Variants in WDPCP observed in about 807,000 individuals in gnomAD.
WDPCP encodes the protein WD repeat-containing and planar cell polarity effector protein fritz homolog.
WDPCP carries 71 observed loss-of-function variants against 93.1 expected under a neutral mutation model. The observed-to-expected ratio is 0.76, with a 90% CI of 0.63 to 0.93. The LOEUF (loss-of-function observed/expected upper bound fraction) is 0.93, where lower values mean the gene tolerates loss of function less well. Ranked by LOEUF, WDPCP falls within the 40% of genes least tolerant of loss-of-function variation. The probability of loss-of-function intolerance (pLI) is 0.00; values close to 1 mark genes in which losing one functional copy is unlikely to be tolerated. For synonymous variants in WDPCP, 315 were observed against 315.0 expected (o/e 1.00, Z 0.00); for missense variants, 844 against 887.4 (o/e 0.95, Z 0.62).
chr2:63,199,305 T>A (rs1675703435), intron 14 of WDPCP, among the ~76,000 whole-genome samples: 2 of 152,104 alleles, frequency 1.3e-5, no homozygotes, highest in South Asian at 4.1e-4. Flanking sequence ...AGGAGCTGAA[T>A]GTTAGTAAAG....
intron 6 of WDPCP, among the ~76,000 whole-genome samples, chr2:63,453,640 C>T (rs551306489): frequency 6.6e-6 from 1 of 152,256 alleles, no homozygotes; most frequent in Admixed American, 6.5e-5. Context: ...AAGACACATG[C>T]ACACGTATGT....
intron 2 of WDPCP, among the ~76,000 whole-genome samples, chr2:63,733,792 G>A (rs1669598951): frequency 6.6e-6 from 1 of 152,030 alleles, no homozygotes; most frequent in South Asian, 2.1e-4. Flanking sequence ...CCCCTTGAAA[G>A]TGTACAATTC....
At chr2:63,425,367 T>C (rs983116645) in intron 9 of WDPCP, among the ~76,000 whole-genome samples, 13 of 152,186 alleles carry the variant, frequency 8.5e-5, no homozygotes, top group African/African-American at 3.1e-4. Context: ...TAGCAACAGT[T>C]CTTTACCAGA....
chr2:63,233,700 T>C (rs1679131663), intron 14 of WDPCP: 2 of 153,210 alleles, frequency 1.3e-5, no homozygotes, highest in Admixed American at 1.3e-4. Context: ...TATGAATCCC[T>C]GTCTTAGTAT....
intron 2 of WDPCP, among the ~76,000 whole-genome samples, chr2:63,714,448 T>C (rs991525535): frequency 2.0e-5 from 3 of 152,198 alleles, no homozygotes; most frequent in African/African-American, 7.2e-5. Flanking sequence ...TCATTAATGC[T>C]GTGGGTTTTC....
chr2:63,588,259 A>G lies in WDPCP; in HGVS notation c.13T>C (p.Phe5Leu), dbSNP rs768802269. Residue 5 changes from phenylalanine (F) to leucine (L), a missense_variant, in exon 1 of 18, where the codon TTT (phenylalanine) becomes CTT (leucine). Phe to Leu is a conservative substitution (Grantham distance 22). Coordinates refer to ENST00000272321, the MANE Select transcript of WDPCP (RefSeq NM_015910.7). Reference protein sequence around the residue: MRREFCWDAYSKAAG... With the variant: MRRELCWDAYSKAAG... The stretch of plus-strand genomic sequence containing the variant: ...GCTTTGGAGTAGGCGTCCCAGCAAA[A>G]CTCTCGCCTCATCACCAGACACTAC... The G allele has an allele frequency of 1.6e-4, 246 of 1,574,730 alleles. 1 individual carries two copies. The highest frequency in any genetic ancestry group is 1.7e-4 in the Non-Finnish European group (196 of 1,157,968).
At chr2:63,137,937 A>G (rs1346024274) in intron 17 of WDPCP, among the ~76,000 whole-genome samples, 1 of 152,096 alleles carries the variant, frequency 6.6e-6, no homozygotes, top group African/African-American at 2.4e-5. Flanking sequence ...TACAGGTACC[A>G]TGCTGTTTTG....
chr2:63,160,663 A>G (rs1209845369), intron 15 of WDPCP, among the ~76,000 whole-genome samples: 2 of 152,230 alleles, frequency 1.3e-5, no homozygotes, highest in Non-Finnish European at 2.9e-5. Flanking sequence ...TGATAAGGAA[A>G]CTTTTATTAT....
At chr2:63,808,868 C>T (rs574749450) in intron 2 of WDPCP, among the ~76,000 whole-genome samples, 25 of 151,888 alleles carry the variant, frequency 1.6e-4, no homozygotes, top group African/African-American at 5.6e-4. Flanking sequence ...AGCGTCTCTG[C>T]CCGGCCGCCA....
At chr2:63,415,777 C>A (rs1695371350) in intron 9 of WDPCP, among the ~76,000 whole-genome samples, 1 of 152,046 alleles carries the variant, frequency 6.6e-6, no homozygotes, top group Non-Finnish European at 1.5e-5. Context: ...TGAGGGAGCC[C>A]CCACAGAAGA....
At chr2:63,838,681 A>G in the WDPCP span, among the ~76,000 whole-genome samples, 1 of 152,238 alleles carries the variant, frequency 6.6e-6, no homozygotes, top group Non-Finnish European at 1.5e-5. Context: ...ATTCCAGAGT[A>G]GTATCTTATG....
intron 3 of WDPCP, among the ~76,000 whole-genome samples, chr2:63,648,857 C>T (rs1408951338): frequency 1.3e-5 from 2 of 152,148 alleles, no homozygotes; most frequent in South Asian, 2.1e-4. Flanking sequence ...CAAAGATCAA[C>T]TTAGTGTTCT....
chr2:63,477,329 CA>C (rs931457324), intron 6 of WDPCP, among the ~76,000 whole-genome samples: 8 of 151,066 alleles, frequency 5.3e-5, no homozygotes, highest in East Asian at 3.9e-4. Flanking sequence ...TTTTAGGAGA[CA>C]AAAAAAATGT....
intron 2 of WDPCP, among the ~76,000 whole-genome samples, chr2:63,712,508 C>A (rs1267672295): frequency 6.6e-6 from 1 of 152,016 alleles, no homozygotes; most frequent in Non-Finnish European, 1.5e-5. Context: ...AAAGTGATAA[C>A]CTGGGATAAG....
chr2:63,691,575 C>T (rs1668888504), intron 2 of WDPCP, among the ~76,000 whole-genome samples: 1 of 151,998 alleles, frequency 6.6e-6, no homozygotes, highest in African/African-American at 2.4e-5. Context: ...GCGGAGGTTG[C>T]AGTGAGCCAA....
At chr2:63,671,047 T>C (rs1710339746) in intron 2 of WDPCP, among the ~76,000 whole-genome samples, 1 of 152,152 alleles carries the variant, frequency 6.6e-6, no homozygotes, top group African/African-American at 2.4e-5. Flanking sequence ...TTTAATTCTG[T>C]CCCTACTCAG....
chr2:63,199,748 A>G lies in WDPCP; in HGVS notation c.1916-24916T>C, dbSNP rs570921786. On this transcript the variant is annotated intron_variant, in intron 14 of 17. Coordinates refer to ENST00000272321, the MANE Select transcript of WDPCP (RefSeq NM_015910.7). Reference sequence around the variant, plus strand: ...GAACTGTGGGGTTGGAGGCCCCCCAACCGACCCACAGAGTCCCCACTGGGG... The same window carrying G: ...GAACTGTGGGGTTGGAGGCCCCCCAGCCGACCCACAGAGTCCCCACTGGGG... Among the ~76,000 whole-genome samples the G allele has an allele frequency of 2.4e-4, 36 of 152,304 alleles. 1 individual carries two copies. Among genetic ancestry groups the G allele is most frequent in the Admixed American group, 1.9e-3 (29 of 15,304 alleles).
At chr2:63,742,029 T>C (rs1209188892) in intron 2 of WDPCP, among the ~76,000 whole-genome samples, 2 of 152,144 alleles carry the variant, frequency 1.3e-5, no homozygotes, top group Non-Finnish European at 2.9e-5. Context: ...ATGTCAGGCA[T>C]ATTTTAGAGA....
intron 13 of WDPCP, among the ~76,000 whole-genome samples, chr2:63,308,146 GCTC>G (rs1179196486): frequency 6.6e-6 from 1 of 152,178 alleles, no homozygotes; most frequent in Non-Finnish European, 1.5e-5. Context: ...ATGAAAAAAA[GCTC>G]ATCATCACTG....
Sources: allele counts gnomAD v4.1 joint callset (sites outside exome capture counted in the v4.1 genomes callset), GRCh38; gene constraint gnomAD v4.1.1; transcripts MANE v1.5; gene names NCBI Gene and HGNC (gene_info 2026-07-23, HGNC 2026-07-21).